The following NPAS2 variants were observed in gnomAD, a reference collection of about 807,000 sequenced individuals.
The protein encoded by NPAS2 is neuronal PAS domain-containing protein 2.
A neutral mutation model predicts 107.5 loss-of-function variants in NPAS2; 23 were observed. The observed-to-expected ratio is 0.21, with a 90% CI of 0.15 to 0.30. NPAS2 has a LOEUF of 0.30. Ranked by LOEUF, NPAS2 falls within the 10% of genes least tolerant of loss-of-function variation. NPAS2 has a pLI of 1.00. For missense variants in NPAS2, 756 were observed against 1,043.3 expected (o/e 0.72, Z 3.79); for synonymous variants, 403 against 417.5 (o/e 0.97, Z 0.42).
At chr2:100,952,151 CA>C (rs35401096) in intron 7 of NPAS2, among the ~76,000 whole-genome samples, 7,557 of 66,806 alleles carry the variant, frequency 0.11, 170 homozygotes, top group South Asian at 0.16. Flanking sequence ...GACTCTGTCT[CA>C]AAAAAAAAAA....
At chr2:100,826,429 A>G (rs1006709974) in intron 1 of NPAS2, among the ~76,000 whole-genome samples, 3 of 152,258 alleles carry the variant, frequency 2.0e-5, no homozygotes, top group Admixed American at 2.0e-4. Context: ...CAACAGAGCA[A>G]GACTTTGTCT....
rs1676022640 is a variant in NPAS2, at chr2:100,820,709, G to A, written c.-23+295G>A. ...ACAGAGGACTGGGCATCCGAGCCTC[G>A]GAATTTGGGGGTCCTCGGGGTGTCC... On this transcript the variant is annotated intron_variant, in intron 1 of 20. Transcript: ENST00000335681. This position sits in a 1 kb window ranked among gnomAD's most constrained non-coding sequence, Gnocchi z 5.6. Among the ~76,000 whole-genome samples the A allele has an allele frequency of 1.3e-5, 2 of 152,180 alleles. No homozygotes were observed. Among genetic ancestry groups the A allele is most frequent in the African/African-American group, 4.8e-5 (2 of 41,466 alleles).
intron 1 of NPAS2, among the ~76,000 whole-genome samples, chr2:100,838,345 T>C (rs1677191112): frequency 6.6e-6 from 1 of 152,120 alleles, no homozygotes; most frequent in African/African-American, 2.4e-5. Flanking sequence ...TGGTGCAATC[T>C]CAGCTCACTG....
intron 5 of NPAS2, among the ~76,000 whole-genome samples, chr2:100,939,947 G>GTA (rs957566346): frequency 8.5e-5 from 13 of 152,234 alleles, no homozygotes; most frequent in African/African-American, 2.9e-4. Flanking sequence ...CTAAGACTCT[G>GTA]TATATATATA....
intron 1 of NPAS2, among the ~76,000 whole-genome samples, chr2:100,860,547 T>C (rs1678875167): frequency 1.3e-5 from 2 of 152,190 alleles, no homozygotes; most frequent in South Asian, 4.1e-4. Flanking sequence ...ATTACTATGG[T>C]GGTTGCCAAA....
At chr2:100,934,801 T>G (rs1361543511) in intron 4 of NPAS2, 1 of 985,320 alleles carries the variant, frequency 1.0e-6, no homozygotes, top group Non-Finnish European at 1.2e-6. Context: ...CATTGTCCAG[T>G]GCAACCTTCC....
intron 1 of NPAS2, among the ~76,000 whole-genome samples, chr2:100,851,283 A>C (rs1030181343): frequency 2.0e-5 from 3 of 152,218 alleles, no homozygotes; most frequent in African/African-American, 7.2e-5. Flanking sequence ...TAACATGGTA[A>C]ATTCTGTGTT....
At chr2:100,933,591 C>T (rs966274021) in intron 4 of NPAS2, among the ~76,000 whole-genome samples, 3 of 152,200 alleles carry the variant, frequency 2.0e-5, no homozygotes, top group Non-Finnish European at 4.4e-5. Flanking sequence ...CCATACTCAT[C>T]TACAGGGCCG....
At chr2:100,898,129 T>C (rs1681535543) in intron 1 of NPAS2, among the ~76,000 whole-genome samples, 2 of 152,174 alleles carry the variant, frequency 1.3e-5, no homozygotes, top group Non-Finnish European at 2.9e-5. Context: ...TTGTTTAGGC[T>C]GGTGCTCACT....
chr2:100,905,891 A>G (rs962483534), intron 2 of NPAS2, among the ~76,000 whole-genome samples: 1 of 152,186 alleles, frequency 6.6e-6, no homozygotes, highest in African/African-American at 2.4e-5. Context: ...GGCAGCCATG[A>G]GAACCACAAA....
At chr2:100,990,906 C>T (rs559106889) in intron 19 of NPAS2, 34 bp downstream of exon 19, 16 of 1,579,874 alleles carry the variant, frequency 1.0e-5, no homozygotes, top group South Asian at 2.2e-5. Flanking sequence ...AGGAGGCAAG[C>T]GCTGGTGGAA....
chr2:100,992,789 G>A (rs568507740), intron 19 of NPAS2, among the ~76,000 whole-genome samples: 1 of 152,276 alleles, frequency 6.6e-6, no homozygotes, highest in East Asian at 1.9e-4. Flanking sequence ...GTGTCTTGTT[G>A]TGGAGTTGTA....
intron 19 of NPAS2, among the ~76,000 whole-genome samples, chr2:100,991,729 T>C (rs775876443): frequency 5.9e-5 from 9 of 152,114 alleles, no homozygotes; most frequent in Non-Finnish European, 2.9e-5. Context: ...TGTAGGCACA[T>C]GCTCGGTCTT....
intron 1 of NPAS2, among the ~76,000 whole-genome samples, chr2:100,856,806 A>G (rs1368868862): frequency 6.6e-6 from 1 of 152,126 alleles, no homozygotes; most frequent in Non-Finnish European, 1.5e-5. Flanking sequence ...CAAACATGAA[A>G]AGAGAGAGGT....
At chr2:100,922,857 G>A (rs1337707901) in intron 2 of NPAS2, among the ~76,000 whole-genome samples, 2 of 152,162 alleles carry the variant, frequency 1.3e-5, no homozygotes, top group East Asian at 3.9e-4. Context: ...CTTCGTCGGA[G>A]TTGCTACCAG....
Position 100,904,768 on chromosome 2 carries a change from A to T in NPAS2, c.14A>T (p.Glu5Val). The T allele has an allele frequency of 6.2e-7, 1 of 1,602,776 alleles. No individual in the cohort carries two copies. The highest frequency in any genetic ancestry group is 8.5e-7 in the Non-Finnish European group (1 of 1,172,366). ...ATAGAAAATCTAATGGATGAAGATGAGAAAGACAGAGCCAAGAGGTAAGAT... is the reference window on the plus strand; with the variant it reads ...ATAGAAAATCTAATGGATGAAGATGTGAAAGACAGAGCCAAGAGGTAAGAT... MDED[E>V]KDRAKRASRN... Residue 5 changes from glutamate (E) to valine (V), a missense_variant, in exon 2 of 21, where the codon GAG becomes GTG. Transcript: ENST00000335681.
rs1170736479 is a variant in NPAS2, at chr2:100,949,447, A to C, written c.565A>C (p.Lys189Gln). The C allele has an allele frequency of 1.9e-6, 3 of 1,610,962 alleles. No individual in the cohort carries two copies. Among genetic ancestry groups the C allele is most frequent in the Non-Finnish European group, 2.5e-6 (3 of 1,177,294 alleles). The change falls in exon 7 of 21, where the codon AAA becomes CAA. Residue 189 changes from lysine (K) to glutamine (Q), a missense_variant. By Grantham distance (53) the Lys-to-Gln change is moderately conservative (BLOSUM62 1). Around this residue, in one of 4 missense-constraint regions of NPAS2, gnomAD observed 146 missense variants for 249.6 expected, o/e 0.58. Coordinates refer to ENST00000335681, the MANE Select transcript of NPAS2 (RefSeq NM_002518.4). The part of the protein sequence containing the change: ...PKEFPTYEYI[K>Q]FVGNFRSYNN... The stretch of plus-strand genomic sequence containing the variant: ...GGAATTTCCAACTTATGAATACATA[A>C]AATTTGTAGGAAATTTTCGCTCTTA...
chr2:100,826,368 C>G (rs1005230899), intron 1 of NPAS2, among the ~76,000 whole-genome samples: 6 of 152,080 alleles, frequency 3.9e-5, no homozygotes, highest in African/African-American at 1.4e-4. Context: ...CTTGAACCAG[C>G]GAGTCGGAGG....
intron 12 of NPAS2, among the ~76,000 whole-genome samples, chr2:100,973,446 C>T (rs1414971054): frequency 6.6e-6 from 1 of 152,188 alleles, no homozygotes; most frequent in African/African-American, 2.4e-5. Context: ...TCACAAACAG[C>T]CGTGGTCCAG....
Sources: gnomAD v4.1 joint callset for allele counts (sites outside exome capture counted in the v4.1 genomes callset) on GRCh38, gnomAD v4.1.1 for gene constraint, gnomAD v4.1.1 regional missense constraint, Gnocchi (gnomAD v3.1) non-coding constraint, MANE v1.5 for transcripts, NCBI Gene and HGNC (gene_info 2026-07-23, HGNC 2026-07-21) for gene names.